The following ZNF91 variants were observed in gnomAD, a reference collection of about 807,000 sequenced individuals.
ZNF91 encodes zinc finger protein 91.
ZNF91 carries 7 observed loss-of-function variants against 12.6 expected under a neutral mutation model. The observed-to-expected ratio is 0.55, with a 90% CI of 0.31 to 1.04. The LOEUF is 1.04. Ranked by LOEUF, ZNF91 falls within the 50% of genes least tolerant of loss-of-function variation. The pLI is 0.05. For missense variants in ZNF91, 1,217 were observed against 1,385.4 expected (o/e 0.88, Z 1.93); for synonymous variants, 453 against 462.6 (o/e 0.98, Z 0.27).
At chr19:23,313,075 T>C (rs1375596147), upstream of ZNF91, among the ~76,000 whole-genome samples, 1 of 152,224 alleles carries the variant, frequency 6.6e-6, no homozygotes, top group Non-Finnish European at 1.5e-5. Context: ...ATCCAGTTTA[T>C]TGTTGAGATG....
chr19:23,368,560 CTCTA>C (rs1315693429), intron 3 of ZNF91, among the ~76,000 whole-genome samples: 18 of 117,564 alleles, frequency 1.5e-4, no homozygotes, highest in Admixed American at 7.2e-4. Context: ...CTCTCTCTCT[CTCTA>C]TATATATATG....
downstream of ZNF91, among the ~76,000 whole-genome samples, chr19:23,353,633 A>T (rs1968419121): frequency 7.3e-6 from 1 of 137,678 alleles, no homozygotes; most frequent in East Asian, 2.3e-4. Context: ...AAATTCAAAC[A>T]AAAAAATACA....
chr19:23,349,519 G>A (rs1968311874), intron 3 of ZNF91, among the ~76,000 whole-genome samples: 1 of 152,116 alleles, frequency 6.6e-6, no homozygotes, highest in Non-Finnish European at 1.5e-5. Flanking sequence ...CCTTAATCCA[G>A]ACATGGTCTT....
chr19:23,359,360 C>T lies in ZNF91; in HGVS notation c.*43G>A, dbSNP rs1480727915. The T allele has an allele frequency of 1.5e-6, 1 of 681,378 alleles. No individual in the cohort carries two copies. The highest frequency in any genetic ancestry group is 2.4e-6 in the Non-Finnish European group (1 of 409,604). The allele number at this position is 681,378 out of a possible 1,614,324, so 42.2% of individuals were successfully genotyped here. On this transcript the variant is annotated 3_prime_UTR_variant, in exon 4 of 4. Coordinates refer to ENST00000300619, the MANE Select transcript of ZNF91 (RefSeq NM_003430.4). Reference sequence around the variant, plus strand: ...GCCTCAGCCTCTCGCATAGCTGGGACTACAGGCGCCCGCCACCACGCCCGG... The same window carrying T: ...GCCTCAGCCTCTCGCATAGCTGGGATTACAGGCGCCCGCCACCACGCCCGG...
chr19:23,370,527 G>T (rs536719998), intron 3 of ZNF91, among the ~76,000 whole-genome samples: 1 of 150,724 alleles, frequency 6.6e-6, no homozygotes, highest in African/African-American at 2.4e-5. Context: ...TTTTGAGACA[G>T]GGTCTCAATC....
rs1264924338 is a variant in ZNF91 at position 23,359,365 on chromosome 19, G to A, written c.*38C>T. The A allele has an allele frequency of 1.4e-6, 1 of 704,096 alleles. No individual in the cohort carries two copies. Among genetic ancestry groups the A allele is most frequent in the African/African-American group, 1.8e-5 (1 of 55,554 alleles). 43.6% of individuals were successfully genotyped at this position (704,096 alleles called of 1,614,324 possible). On this transcript the variant is annotated 3_prime_UTR_variant, in exon 4 of 4. Transcript: ENST00000300619. Reference sequence around the variant, plus strand: ...AGCCTCTCGCATAGCTGGGACTACAGGCGCCCGCCACCACGCCCGGCTAAT... The same window carrying A: ...AGCCTCTCGCATAGCTGGGACTACAAGCGCCCGCCACCACGCCCGGCTAAT...
At chr19:23,364,833 CAT>C (rs549442549) in intron 3 of ZNF91, among the ~76,000 whole-genome samples, 50 of 152,064 alleles carry the variant, frequency 3.3e-4, no homozygotes, top group Non-Finnish European at 6.0e-4. Flanking sequence ...GGCAAACAAA[CAT>C]AGAGATAATT....
chr19:23,346,546 G>A (rs878927997), intron 3 of ZNF91, among the ~76,000 whole-genome samples: 2 of 152,112 alleles, frequency 1.3e-5, no homozygotes, highest in Non-Finnish European at 1.5e-5. Context: ...TTTAACTGAC[G>A]CCATGAGAAA....
intron 3 of ZNF91, among the ~76,000 whole-genome samples, chr19:23,344,196 G>A (rs1018647635): frequency 6.6e-5 from 10 of 152,094 alleles, no homozygotes; most frequent in African/African-American, 2.4e-4. Context: ...TCGGGTTCAC[G>A]CCATTGTTCT....
At chr19:23,347,396 G>T (rs985222239) in intron 3 of ZNF91, among the ~76,000 whole-genome samples, 10 of 152,048 alleles carry the variant, frequency 6.6e-5, no homozygotes, top group Admixed American at 4.6e-4. Context: ...TTCATTGCAG[G>T]GACCATCAAA....
At chr19:23,348,583 A>G (rs1968289620) in intron 3 of ZNF91, among the ~76,000 whole-genome samples, 1 of 152,186 alleles carries the variant, frequency 6.6e-6, no homozygotes, top group Admixed American at 6.5e-5. Context: ...AGTTAACTGT[A>G]CAAATTGTTT....
intron 3 of ZNF91, among the ~76,000 whole-genome samples, chr19:23,365,822 G>C (rs991623574): frequency 3.3e-5 from 5 of 152,038 alleles, no homozygotes. Flanking sequence ...ATCTTGCACC[G>C]CCCTTAATCC....
chr19:23,383,607 G>A (rs1380731565), intron 1 of ZNF91, among the ~76,000 whole-genome samples: 1 of 151,898 alleles, frequency 6.6e-6, no homozygotes, highest in Non-Finnish European at 1.5e-5. Flanking sequence ...AGAATCGCTT[G>A]AACCCAGAAG....
rs891734796 is a variant in ZNF91 at position 23,345,738 on chromosome 19, T to C, written c.254-6684A>G. Among the ~76,000 whole-genome samples, 7 of 152,104 alleles carry C rather than the reference T, an allele frequency of 4.6e-5. No individual in the cohort carries two copies. The East Asian group carries it at 7.8e-4, about 17-fold the overall frequency. On this transcript the variant is annotated intron_variant, in intron 3 of 3. Transcript: ENST00000599743. ...TCAGCCACAATCTTCTCAGTCACCA[T>C]CTTCTCAGCAGCAATATTCCCAGCC...
chr19:23,383,151 T>C (rs994939899), intron 1 of ZNF91, among the ~76,000 whole-genome samples: 3 of 152,152 alleles, frequency 2.0e-5, no homozygotes, highest in South Asian at 2.1e-4. Flanking sequence ...TATGAGCAAG[T>C]AGAATTTATT....
At chr19:23,388,767 G>A (rs1003035473) in intron 1 of ZNF91, among the ~76,000 whole-genome samples, 1 of 152,080 alleles carries the variant, frequency 6.6e-6, no homozygotes, top group African/African-American at 2.4e-5. Flanking sequence ...CAAGCTACTT[G>A]GGAGGCTGGG....
intron 3 of ZNF91, among the ~76,000 whole-genome samples, chr19:23,368,562 C>CTCTCTCTCTCTA (rs768532900): frequency 1.9e-4 from 23 of 118,568 alleles, no homozygotes; most frequent in Non-Finnish European, 3.7e-4. Flanking sequence ...CTCTCTCTCT[C>CTCTCTCTCTCTA]TATATATATA....
intron 1 of ZNF91, among the ~76,000 whole-genome samples, chr19:23,376,352 T>C (rs1033969814): frequency 6.6e-6 from 1 of 152,066 alleles, no homozygotes; most frequent in South Asian, 2.1e-4. Flanking sequence ...AAAAGAAATA[T>C]TTTCAGAGAT....
At chr19:23,374,897 A>G (rs1052833005) in intron 1 of ZNF91, 133 bp from the exon 2 acceptor site, 60 of 1,417,774 alleles carry the variant, frequency 4.2e-5, no homozygotes, top group Middle Eastern at 1.9e-4. Flanking sequence ...ATCCAATAAA[A>G]TAATTGTCAA....
Sources: allele counts gnomAD v4.1 joint callset (sites outside exome capture counted in the v4.1 genomes callset), GRCh38; gene constraint gnomAD v4.1.1; transcripts MANE v1.5; gene names NCBI Gene and HGNC (gene_info 2026-07-23, HGNC 2026-07-21).